Variants in B4GALT7 observed in about 807,000 individuals in gnomAD.
B4GALT7 encodes UDP-Gal:beta-GlcNAc beta-1,4-galactosyltransferase 7.
B4GALT7 carries 30 observed loss-of-function variants against 33.0 expected under a neutral mutation model. The ratio of observed to expected loss-of-function variants is 0.91; its 90% CI spans 0.68 to 1.23. The LOEUF is 1.23. B4GALT7 is among the 50% of genes most tolerant of loss of function. The pLI, the probability that B4GALT7 is intolerant of heterozygous loss-of-function variation, is 0.00. For synonymous variants in B4GALT7, 213 were observed against 187.2 expected (o/e 1.14, Z -1.13); for missense variants, 507 against 450.8 (o/e 1.12, Z -1.13).
chr5:177,603,300 C>T, intron 1 of B4GALT7: 3 of 985,394 alleles, frequency 3.0e-6, no homozygotes, highest in Non-Finnish European at 3.6e-6. Context: ...CTTCTCCCTT[C>T]ATGGATTCCT....
chr5:177,607,298 A>C lies in B4GALT7; in HGVS notation c.414-4A>C. ...CCCTGCCCAGCCTTGCCCACCCTGC[A>C]CAGGTTCAACCGGGCAGCGCTCATC... On this transcript the variant is annotated splice_region_variant and splice_polypyrimidine_tract_variant and intron_variant, in intron 2 of 5. Transcript: ENST00000029410. 6.2e-7 allele frequency: 1 copy of C among 1,602,598 alleles called. No homozygotes were observed. The highest frequency in any genetic ancestry group is 1.1e-5 in the South Asian group (1 of 89,538).
chr5:177,607,090 C>G, intron 2 of B4GALT7: 1 of 619,662 alleles, frequency 1.6e-6, no homozygotes. Context: ...CCTGGTTTTT[C>G]ACTGCTGTAC....
chr5:177,604,483 C>A lies in B4GALT7; in HGVS notation c.355C>A (p.Leu119Met), dbSNP rs1218335048. The change falls in exon 2 of 6, where the codon CTG becomes ATG. Residue 119 changes from leucine to methionine, a missense_variant. Transcript: ENST00000029410. ...LVFVPHMRRF[L>M]SRKKIRHHIY... ...CTTCGTGCCCCACATGCGCCGCTTC[C>A]TGAGCAGGAAGAAGATCCGGCACCA... The A allele has an allele frequency of 6.2e-7, 1 of 1,613,918 alleles. No individual in the cohort carries two copies. The highest frequency in any genetic ancestry group is 8.5e-7 in the Non-Finnish European group (1 of 1,179,976).
At position 177,600,163 on chromosome 5, in the gene B4GALT7, C is replaced by G. The variant is rs1257441895; in HGVS notation, c.-48C>G. ...GCCGCGTAGGCCCGGGAGGCCGGGC[C>G]GGCCGGGCTGCGAGCGCCTGCCCCA... On this transcript the variant is annotated 5_prime_UTR_variant, in exon 1 of 6. Coordinates refer to ENST00000029410, the MANE Select transcript of B4GALT7 (RefSeq NM_007255.3). This position sits in a 1 kb window ranked among gnomAD's most constrained non-coding sequence, Gnocchi z 4.4. 8.1e-7 allele frequency: 1 copy of G among 1,229,358 alleles called. No individual in the cohort carries two copies. The allele number at this position is 1,229,358 out of a possible 1,614,324, so 76.2% of individuals were successfully genotyped here. A position where few individuals can be genotyped will look rare whatever the true frequency, so the allele number is the denominator to read the frequency against.
Position 177,607,546 on chromosome 5 carries a change from G to A in B4GALT7, c.639+19G>A. On this transcript the variant is annotated intron_variant, in intron 3 of 5. Transcript: ENST00000029410. ...CCGGCTGGTGAGGCCCGGACAGCCT[G>A]CTCTGCTCAGAGCCGGGAGCTCCCT... 1 of 1,604,234 alleles carries A rather than the reference G, an allele frequency of 6.2e-7. No homozygotes were observed. The highest frequency in any genetic ancestry group is 8.5e-7 in the Non-Finnish European group (1 of 1,176,624).
In B4GALT7 at chr5:177,608,576, G is replaced by A. The variant is rs774293088; in HGVS notation, c.677G>A (p.Arg226His). The A allele has an allele frequency of 8.7e-6, 14 of 1,613,670 alleles. No homozygotes were observed. The East Asian group carries it at 8.9e-5, about 10-fold the overall frequency. ...GMSNRFWGWG[R>H]EDDEFYRRIK... ...TCCAACCGCTTCTGGGGCTGGGGCC[G>A]CGAGGACGACGAGTTCTACCGGCGC... Residue 226 changes from arginine (R) to histidine (H), a missense_variant, in exon 4 of 6, where the codon CGC becomes CAC. Arg to His is a conservative substitution (Grantham distance 29, BLOSUM62 0). Transcript: ENST00000029410. This position sits in a 1 kb window ranked among gnomAD's most constrained non-coding sequence, Gnocchi z 4.1.
Position 177,607,373 on chromosome 5 carries a change from A to G in B4GALT7, c.485A>G (p.His162Arg), listed in dbSNP as rs1338444955. The G allele has an allele frequency of 3.1e-6, 5 of 1,613,966 alleles. No individual in the cohort carries two copies. The African/African-American group carries it at 6.7e-5, about 22-fold the overall frequency. ...SSNSTDYIAM[H>R]DVDLLPLNEE... ...AACAGCACGGACTACATTGCCATGC[A>G]CGACGTTGACCTGCTCCCTCTCAAC... Residue 162 changes from histidine to arginine, a missense_variant, in exon 3 of 6, where the codon CAC becomes CGC. Coordinates refer to ENST00000029410, the MANE Select transcript of B4GALT7 (RefSeq NM_007255.3).
chr5:177,605,437 CTTTAAAACT>C (rs1016799598), intron 2 of B4GALT7, among the ~76,000 whole-genome samples: 13 of 152,272 alleles, frequency 8.5e-5, no homozygotes, highest in Non-Finnish European at 1.8e-4. Context: ...CCACTGCAGC[CTTTAAAACT>C]ATCTGTTCTC....
rs36092039 is a variant in B4GALT7, at chr5:177,609,255, G to A, written c.828+241G>A. On this transcript the variant is annotated intron_variant, in intron 5 of 5. Coordinates refer to ENST00000029410, the MANE Select transcript of B4GALT7 (RefSeq NM_007255.3). ...TGCAGGCTGGCAGGGTGGGGTGGCG[G>A]AGGCGTAGCTGAAGGTGCCAGAATC... Among the ~76,000 whole-genome samples the A allele has an allele frequency of 0.26, 40,220 of 152,124 alleles. 6,005 individuals carry two copies. Among genetic ancestry groups the A allele is most frequent in the South Asian group, 0.4 (1,915 of 4,824 alleles).
Position 177,600,170 on chromosome 5 carries a change from G to C in B4GALT7, c.-41G>C, listed in dbSNP as rs1273495062. 1 of 1,249,974 alleles carries C rather than the reference G, an allele frequency of 8.0e-7. No individual in the cohort carries two copies. The highest frequency in any genetic ancestry group is 1.0e-6 in the Non-Finnish European group (1 of 996,882). The allele number at this position is 1,249,974 out of a possible 1,614,324, so 77.4% of individuals were successfully genotyped here. ...AGGCCCGGGAGGCCGGGCCGGCCGG[G>C]CTGCGAGCGCCTGCCCCATGCGCCG... On this transcript the variant is annotated 5_prime_UTR_variant, in exon 1 of 6. Coordinates refer to ENST00000029410, the MANE Select transcript of B4GALT7 (RefSeq NM_007255.3). This position sits in a 1 kb window ranked among gnomAD's most constrained non-coding sequence, Gnocchi z 4.4.
chr5:177,607,993 C>T (rs530758494), intron 3 of B4GALT7: 19 of 244,776 alleles, frequency 7.8e-5, no homozygotes, highest in African/African-American at 3.2e-4. Context: ...CTTGATTGGC[C>T]GGCTTGAGTG....
intron 1 of B4GALT7, 164 bp from the exon 2 acceptor site, chr5:177,604,015 T>G: frequency 9.8e-7 from 1 of 1,021,758 alleles, no homozygotes; most frequent in Non-Finnish European, 1.4e-6. Context: ...TTCGGATGCA[T>G]GGTAGTGGCA....
At position 177,604,333 on chromosome 5, in the gene B4GALT7, T is replaced by G. The variant is rs1239119479; in HGVS notation, c.205T>G (p.Ser69Ala). Residue 69 changes from serine (S) to alanine (A), a missense_variant, in exon 2 of 6, where the codon TCG becomes GCG. Coordinates refer to ENST00000029410, the MANE Select transcript of B4GALT7 (RefSeq NM_007255.3). The part of the protein sequence containing the change: ...RAVRGQGQET[S>A]GPPRACPPEP... ...AGTCAGGGGACAAGGGCAGGAGACC[T>G]CGGGCCCTCCCCGTGCCTGCCCCCC... 2 of 1,610,670 alleles carry G rather than the reference T, an allele frequency of 1.2e-6. No homozygotes were observed. The highest frequency in any genetic ancestry group is 1.7e-6 in the Non-Finnish European group (2 of 1,178,504).
At chr5:177,603,064 G>A (rs1767885311) in intron 1 of B4GALT7, 2 of 380,688 alleles carry the variant, frequency 5.3e-6, no homozygotes, top group Admixed American at 6.4e-5. Flanking sequence ...TGTATTTTTA[G>A]TAGAGATGGG....
intron 2 of B4GALT7, chr5:177,605,946 C>T (rs1249564791): frequency 2.0e-5 from 3 of 152,768 alleles, no homozygotes; most frequent in East Asian, 3.8e-4. Flanking sequence ...CCATGCTGGG[C>T]CCTCATCCTG....
In B4GALT7 at chr5:177,606,776, G is replaced by A. The variant is rs115359477; in HGVS notation, c.414-526G>A. 1,039 of 240,834 alleles carry A rather than the reference G, an allele frequency of 4.3e-3. 8 individuals are homozygous for A. Among genetic ancestry groups the A allele is most frequent in the African/African-American group, 0.02 (912 of 44,712 alleles). The allele number at this position is 240,834 out of a possible 1,614,324, so 14.9% of individuals were successfully genotyped here. On this transcript the variant is annotated intron_variant, in intron 2 of 5. Coordinates refer to ENST00000029410, the MANE Select transcript of B4GALT7 (RefSeq NM_007255.3). This position sits in a 1 kb window ranked among gnomAD's most constrained non-coding sequence, Gnocchi z 4.2. ...CCCCAACATCCCCACCTCTGCCCTC[G>A]CCCTGCCCAGCTGCCCGTTGGTCTG...
intron 1 of B4GALT7, chr5:177,603,927 A>C: frequency 1.8e-6 from 1 of 553,900 alleles, no homozygotes; most frequent in Non-Finnish European, 3.3e-6. Context: ...GAGCCGGGGC[A>C]GCTCTGTGAA....
chr5:177,607,035 G>T, intron 2 of B4GALT7: 1 of 555,224 alleles, frequency 1.8e-6, no homozygotes, highest in South Asian at 2.0e-5. Flanking sequence ...GTGTTTGCTT[G>T]TTTCTGTTTC....
chr5:177,604,183 G>A lies in B4GALT7; in HGVS notation c.55G>A (p.Gly19Arg), dbSNP rs201186641. ...CCTGTCCCGCGCTTGCTCCAGGTCC[G>A]GGTTGCTCTCCGGCGGCCTCCCTCG... Reference protein sequence around the residue: ...AQLPWEDGRSGLLSGGLPRKC... With the variant: ...AQLPWEDGRSRLLSGGLPRKC... Residue 19 changes from glycine to arginine, a missense_variant, in exon 2 of 6, where the codon GGG (glycine) becomes AGG (arginine). By Grantham distance (125) the Gly-to-Arg change is moderately radical (BLOSUM62 -2). Transcript: ENST00000029410. The A allele has an allele frequency of 3.7e-6, 6 of 1,613,482 alleles. No individual in the cohort carries two copies. The East Asian group carries it at 6.7e-5, about 18-fold the overall frequency.
Sources: gnomAD v4.1 joint callset for allele counts (sites outside exome capture counted in the v4.1 genomes callset) on GRCh38, gnomAD v4.1.1 for gene constraint, Gnocchi (gnomAD v3.1) non-coding constraint, MANE v1.5 for transcripts, NCBI Gene and HGNC (gene_info 2026-07-23, HGNC 2026-07-21) for gene names.